The following CYBRD1 variants were observed in gnomAD, a reference collection of about 807,000 sequenced individuals.
CYBRD1 encodes plasma membrane ascorbate-dependent reductase CYBRD1.
Under a neutral mutation model 21.9 loss-of-function variants are expected in CYBRD1, and 14 were observed. The observed-to-expected ratio is 0.64, with a 90% CI of 0.42 to 1.00. CYBRD1 has a LOEUF of 1.00. Among genes scored for constraint, CYBRD1 ranks in the 50% least tolerant of loss-of-function variants. CYBRD1 has a pLI of 0.00. For missense variants in CYBRD1, 328 were observed against 352.5 expected (o/e 0.93, Z 0.56); for synonymous variants, 146 against 136.5 (o/e 1.07, Z -0.48).
rs139858402 is a variant in CYBRD1, at chr2:171,548,492, T to C, written c.403-4854T>C. On this transcript the variant is annotated intron_variant, in intron 2 of 3. Transcript: ENST00000321348. ...CTGTCTTGTGTAGCATTCCCAACAC[T>C]CCGAACATCTGGGTCATAAGAGGGG... 3.1e-3 allele frequency among the ~76,000 whole-genome samples: 472 copies of C among 152,044 alleles called. 6 individuals are homozygous for C. The highest frequency in any genetic ancestry group is 0.011 in the African/African-American group (447 of 41,482).
intron 1 of CYBRD1, among the ~76,000 whole-genome samples, chr2:171,538,917 C>T (rs1462020974): frequency 6.6e-6 from 1 of 152,120 alleles, no homozygotes; most frequent in Admixed American, 6.5e-5. Flanking sequence ...CCTGCCTCAG[C>T]CTCCCAAGTA....
chr2:171,547,927 A>C lies in CYBRD1; in HGVS notation c.403-5419A>C, dbSNP rs556344452. ...GTGGTTTACTCCAGTATTACCTAGCAGACCAGGGGTAGTCATGAAGATGGC... is the reference window on the plus strand; with the variant it reads ...GTGGTTTACTCCAGTATTACCTAGCCGACCAGGGGTAGTCATGAAGATGGC... On this transcript the variant is annotated intron_variant, in intron 2 of 3. Coordinates refer to ENST00000321348, the MANE Select transcript of CYBRD1 (RefSeq NM_024843.4). 2.6e-5 allele frequency among the ~76,000 whole-genome samples: 4 copies of C among 152,218 alleles called. No individual in the cohort carries two copies. In the South Asian group the frequency reaches 8.3e-4, roughly 32 times the overall value.
chr2:171,532,458 A>G (rs1196145080), intron 1 of CYBRD1, among the ~76,000 whole-genome samples: 1 of 152,238 alleles, frequency 6.6e-6, no homozygotes, highest in East Asian at 1.9e-4. Context: ...GTCTTCTATT[A>G]GCTAATACTT....
At chr2:171,527,707 T>C (rs1342426209) in intron 1 of CYBRD1, among the ~76,000 whole-genome samples, 2 of 152,170 alleles carry the variant, frequency 1.3e-5, no homozygotes, top group Non-Finnish European at 2.9e-5. Context: ...TTCTGCATCA[T>C]TAAGTTTCTC....
At chr2:171,532,911 G>GTGTGTGTGTATA (rs1491316856) in intron 1 of CYBRD1, among the ~76,000 whole-genome samples, 6 of 146,634 alleles carry the variant, frequency 4.1e-5, no homozygotes, top group African/African-American at 1.5e-4. Context: ...GTGTGTGTGT[G>GTGTGTGTGTATA]TATGGAAACA....
At chr2:171,534,616 G>A (rs1697519816) in intron 1 of CYBRD1, among the ~76,000 whole-genome samples, 3 of 152,168 alleles carry the variant, frequency 2.0e-5, no homozygotes, top group Admixed American at 1.3e-4. Flanking sequence ...TTGCAGCAGA[G>A]CCTCTATGTA....
intron 2 of CYBRD1, among the ~76,000 whole-genome samples, chr2:171,548,597 A>G (rs1260551651): frequency 1.3e-5 from 2 of 149,646 alleles, no homozygotes; most frequent in Non-Finnish European, 3.0e-5. Context: ...GAGCTTCCAT[A>G]TAATAATCTA....
chr2:171,551,056 A>G, intron 2 of CYBRD1: 1 of 213,812 alleles, frequency 4.7e-6, no homozygotes, highest in Non-Finnish European at 9.2e-6. Context: ...TCCAGGACTC[A>G]AGCAATCCTC....
At chr2:171,529,531 C>CAAAAAAAAA (rs57600338) in intron 1 of CYBRD1, among the ~76,000 whole-genome samples, 2 of 69,298 alleles carry the variant, frequency 2.9e-5, no homozygotes, top group Non-Finnish European at 5.0e-5. Context: ...AACTCTGTCT[C>CAAAAAAAAA]AAAAAAAAAA....
intron 1 of CYBRD1, among the ~76,000 whole-genome samples, chr2:171,536,195 A>G (rs1233716396): frequency 6.9e-6 from 1 of 144,212 alleles, no homozygotes; most frequent in African/African-American, 2.6e-5. Flanking sequence ...GTGGAGTGCA[A>G]TGGTGCGATC....
chr2:171,540,359 A>T (rs1337277060), intron 1 of CYBRD1, among the ~76,000 whole-genome samples: 1 of 152,022 alleles, frequency 6.6e-6, no homozygotes, highest in African/African-American at 2.4e-5. Flanking sequence ...GTTTCTTTCC[A>T]TGGTGTAAAT....
rs1559322356 is a variant in CYBRD1, at chr2:171,554,788, CTT to C, written c.823_824del (p.Leu275SerfsTer4). 6 of 1,613,632 alleles carry C rather than the reference CTT, an allele frequency of 3.7e-6. No homozygotes were observed. Among genetic ancestry groups the C allele is most frequent in the East Asian group, 2.2e-5 (1 of 44,864 alleles). On this transcript the variant is annotated frameshift_variant, in exon 4 of 4. Transcript: ENST00000321348. LOFTEE classifies it high-confidence loss of function. ...NSEVAARKRN[L>X]ALDEAGQRST... Reference sequence around the variant, plus strand: ...GTGAAGTAGCAGCAAGGAAAAGAAACTTAGCTCTGGATGAGGCTGGGCAGAGA... The same window carrying C: ...GTGAAGTAGCAGCAAGGAAAAGAAACAGCTCTGGATGAGGCTGGGCAGAGA...
chr2:171,537,427 A>C (rs1462018098), intron 1 of CYBRD1, among the ~76,000 whole-genome samples: 1 of 152,210 alleles, frequency 6.6e-6, no homozygotes, highest in Non-Finnish European at 1.5e-5. Context: ...TTGAGTTGAC[A>C]TCAATTTAGT....
At chr2:171,528,050 A>G (rs1559313222) in intron 1 of CYBRD1, among the ~76,000 whole-genome samples, 1 of 152,034 alleles carries the variant, frequency 6.6e-6, no homozygotes, top group Non-Finnish European at 1.5e-5. Flanking sequence ...AGCATTTGAC[A>G]TAATTGACCC....
intron 1 of CYBRD1, among the ~76,000 whole-genome samples, chr2:171,528,794 C>G (rs914387258): frequency 6.6e-6 from 1 of 152,196 alleles, no homozygotes; most frequent in African/African-American, 2.4e-5. Context: ...GCAAAACCAA[C>G]TCCTCCCATA....
chr2:171,549,899 C>A (rs1697773913), intron 2 of CYBRD1, among the ~76,000 whole-genome samples: 1 of 152,064 alleles, frequency 6.6e-6, no homozygotes, highest in Admixed American at 6.5e-5. Context: ...TGGAATATTC[C>A]ACTACCTTCT....
At position 171,522,656 on chromosome 2, in the gene CYBRD1, G is replaced by A. The variant is rs761032280; in HGVS notation, c.111G>A (p.Gly37=). Residue 37 remains glycine (G), a synonymous_variant, in exon 1 of 4, where the codon GGG becomes GGA. Coordinates refer to ENST00000321348, the MANE Select transcript of CYBRD1 (RefSeq NM_024843.4). The surrounding 1 kb of genome is among the most constrained non-coding windows in gnomAD (Gnocchi z 4.3). ...TCTGGGTCCTCCACTACCGAGAGGGGCTTGGCTGGGATGGGAGCGCACTAG... is the reference window on the plus strand; with the variant it reads ...TCTGGGTCCTCCACTACCGAGAGGGACTTGGCTGGGATGGGAGCGCACTAG... ...ALVWVLHYRE[G]LGWDGSALEF... 10 of 1,613,442 alleles carry A rather than the reference G, an allele frequency of 6.2e-6. No homozygotes were observed. Among genetic ancestry groups the A allele is most frequent in the Admixed American group, 5.0e-5 (3 of 60,002 alleles).
rs1285065390 is a variant in CYBRD1, at chr2:171,541,711, A to G, written c.320A>G (p.Asn107Ser). 12 of 1,612,952 alleles carry G rather than the reference A, an allele frequency of 7.4e-6. No homozygotes were observed. The highest frequency in any genetic ancestry group is 1.0e-5 in the Non-Finnish European group (12 of 1,179,790). Residue 107 changes from asparagine to serine, a missense_variant, in exon 2 of 4, where the codon AAC becomes AGC. Coordinates refer to ENST00000321348, the MANE Select transcript of CYBRD1 (RefSeq NM_024843.4). ...ATCTCTGTGGTGGCCGTGTTTGAGA[A>G]CCACAATGTTAACAATATAGCCAAT... ...AIISVVAVFE[N>S]HNVNNIANMY...
Position 171,556,871 on chromosome 2 carries a change from G to A in CYBRD1, c.*2044G>A, listed in dbSNP as rs1190351877. 6.6e-6 allele frequency: 1 copy of A among 152,284 alleles called. No homozygotes were observed. Among genetic ancestry groups the A allele is most frequent in the African/African-American group, 2.4e-5 (1 of 41,422 alleles). 9.4% of individuals were successfully genotyped at this position (152,284 alleles called of 1,614,324 possible). A position where few individuals can be genotyped will look rare whatever the true frequency, so the allele number is the denominator to read the frequency against. ...TAAGTTGGATGTTCCATTACATAGA[G>A]GAACACAAAATTCCAGGGTTTTTGG... On this transcript the variant is annotated 3_prime_UTR_variant, in exon 4 of 4. Coordinates refer to ENST00000321348, the MANE Select transcript of CYBRD1 (RefSeq NM_024843.4).
Sources: allele counts gnomAD v4.1 joint callset (sites outside exome capture counted in the v4.1 genomes callset), GRCh38; gene constraint gnomAD v4.1.1; non-coding constraint Gnocchi (gnomAD v3.1); transcripts MANE v1.5; gene names NCBI Gene and HGNC (gene_info 2026-07-23, HGNC 2026-07-21).